The following STX16 variants were observed in gnomAD, a reference collection of about 807,000 sequenced individuals.
The protein encoded by STX16 is syntaxin 16.
In STX16, 28 loss-of-function variants were observed where a neutral mutation model predicts 42.7. That is an observed-to-expected ratio of 0.66 (90% confidence interval 0.49 to 0.90). The LOEUF (loss-of-function observed/expected upper bound fraction) is 0.90. STX16 is among the 40% of genes least tolerant of loss of function. The pLI is 0.00. For synonymous variants in STX16, 156 were observed against 155.2 expected (o/e 1.00, Z -0.04); for missense variants, 361 against 420.9 (o/e 0.86, Z 1.24).
At position 58,676,246 on chromosome 20, in the gene STX16, C is replaced by T. The variant is rs1601062194; in HGVS notation, c.933C>T (p.Ile311=). 6.2e-7 allele frequency: 1 copy of T among 1,614,178 alleles called. No individual in the cohort carries two copies. The highest frequency in any genetic ancestry group is 8.5e-7 in the Non-Finnish European group (1 of 1,180,028). The part of the protein sequence containing the change: ...KMLVILILFV[I]IIVLIVVLVG... ...TTGTGATTTTAATATTATTTGTCATCATCATTGTGCTCATTGTTGTCCTCG... is the reference window on the plus strand; with the variant it reads ...TTGTGATTTTAATATTATTTGTCATTATCATTGTGCTCATTGTTGTCCTCG... Residue 311 remains isoleucine, a synonymous_variant, in exon 9 of 9, where the codon ATC becomes ATT. Transcript: ENST00000371141.
At chr20:58,658,926 C>G (rs1449319256) in intron 1 of STX16, among the ~76,000 whole-genome samples, 4 of 152,118 alleles carry the variant, frequency 2.6e-5, no homozygotes, top group Admixed American at 6.5e-5. Context: ...TGTATGCTTT[C>G]TAGCTAATAA....
chr20:58,669,235 T>G, intron 4 of STX16, 56 bp from the exon 5 acceptor site: 2 of 1,584,708 alleles, frequency 1.3e-6, no homozygotes, highest in Non-Finnish European at 1.7e-6. Context: ...TGTGGCAGTG[T>G]TAGCAGAGGG....
Position 58,676,360 on chromosome 20 carries a change from C to G in STX16, c.*69C>G. On this transcript the variant is annotated 3_prime_UTR_variant, in exon 9 of 9. Coordinates refer to ENST00000371141, the MANE Select transcript of STX16 (RefSeq NM_001001433.3). ...GGTGTGAGGGGCTTGGCCTGCGCCCCGCCAGCTGCCCGCAGAGGTGCAGCC... is the reference window on the plus strand; with the variant it reads ...GGTGTGAGGGGCTTGGCCTGCGCCCGGCCAGCTGCCCGCAGAGGTGCAGCC... 1 of 1,397,144 alleles carries G rather than the reference C, an allele frequency of 7.2e-7. No individual in the cohort carries two copies. The highest frequency in any genetic ancestry group is 1.0e-6 in the Non-Finnish European group (1 of 984,456). 86.5% of individuals were successfully genotyped at this position (1,397,144 alleles called of 1,614,324 possible). A position where few individuals can be genotyped will look rare whatever the true frequency, so the allele number is the denominator to read the frequency against.
intron 1 of STX16, 23 bp downstream of exon 1, chr20:58,652,161 C>G (rs368474045): frequency 4.5e-5 from 73 of 1,612,422 alleles, no homozygotes; most frequent in Non-Finnish European, 5.4e-5. Flanking sequence ...GCGGCCTCTC[C>G]GACACACGGA....
In STX16 at chr20:58,676,452, G is replaced by C. The variant is rs1016239515; in HGVS notation, c.*161G>C. The C allele has an allele frequency of 4.5e-5, 28 of 626,766 alleles. No homozygotes were observed. The East Asian group carries it at 7.8e-4, about 17-fold the overall frequency. The allele number at this position is 626,766 out of a possible 1,614,324, so 38.8% of individuals were successfully genotyped here. A position where few individuals can be genotyped will look rare whatever the true frequency, so the allele number is the denominator to read the frequency against. ...CACGGACTCCTCCTTCCCTAGTCCT[G>C]CTCAAGCGGTCCGGGGAATGGGTTT... On this transcript the variant is annotated 3_prime_UTR_variant, in exon 9 of 9. Coordinates refer to ENST00000371141, the MANE Select transcript of STX16 (RefSeq NM_001001433.3).
Position 58,667,503 on chromosome 20 carries a change from G to T in STX16, c.158G>T (p.Arg53Leu). 2 of 1,613,992 alleles carry T rather than the reference G, an allele frequency of 1.2e-6. No homozygotes were observed. The highest frequency in any genetic ancestry group is 2.2e-5 in the South Asian group (2 of 91,072). Residue 53 changes from arginine to leucine, a missense_variant, in exon 3 of 9, where the codon CGT (arginine) becomes CTT (leucine). Arg to Leu is a moderately radical substitution (Grantham distance 102). Coordinates refer to ENST00000371141, the MANE Select transcript of STX16 (RefSeq NM_001001433.3). Reference sequence around the variant, plus strand: ...ACTTTCCTGTAGCTTGCTGATGACCGTATGGCACTGGTGTCAGGCATCAGC... The same window carrying T: ...ACTTTCCTGTAGCTTGCTGATGACCTTATGGCACTGGTGTCAGGCATCAGC... ...AAELDELADD[R>L]MALVSGISLD...
rs549075129 is a variant in STX16, at chr20:58,652,378, C to G, written c.132+240C>G. 2.9e-4 allele frequency: 171 copies of G among 587,738 alleles called. 3 individuals are homozygous for G. Among genetic ancestry groups the G allele is most frequent in the African/African-American group, 2.3e-4 (12 of 53,052 alleles). 36.4% of individuals were successfully genotyped at this position (587,738 alleles called of 1,614,324 possible). Reference sequence around the variant, plus strand: ...TCTCCTCACTTCCGCAGCACCCCCCCCCCCGCACCCCCCGCCTTGGCGTCA... The same window carrying G: ...TCTCCTCACTTCCGCAGCACCCCCCGCCCCGCACCCCCCGCCTTGGCGTCA... On this transcript the variant is annotated intron_variant, in intron 1 of 8. Coordinates refer to ENST00000371141, the MANE Select transcript of STX16 (RefSeq NM_001001433.3).
At chr20:58,658,996 C>A (rs899971581) in intron 1 of STX16, among the ~76,000 whole-genome samples, 2 of 152,122 alleles carry the variant, frequency 1.3e-5, no homozygotes, top group Admixed American at 6.5e-5. Flanking sequence ...TGTCTCTCTC[C>A]GGGAAAGAGT....
Position 58,676,371 on chromosome 20 carries a change from C to A in STX16, c.*80C>A. The A allele has an allele frequency of 1.6e-6, 2 of 1,284,334 alleles. No homozygotes were observed. Among genetic ancestry groups the A allele is most frequent in the Non-Finnish European group, 2.3e-6 (2 of 883,174 alleles). 79.6% of individuals were successfully genotyped at this position (1,284,334 alleles called of 1,614,324 possible). On this transcript the variant is annotated 3_prime_UTR_variant, in exon 9 of 9. Coordinates refer to ENST00000371141, the MANE Select transcript of STX16 (RefSeq NM_001001433.3). ...CTTGGCCTGCGCCCCGCCAGCTGCC[C>A]GCAGAGGTGCAGCCTCGAGGAATCT...
chr20:58,664,049 G>A (rs2083761764), intron 2 of STX16, among the ~76,000 whole-genome samples: 1 of 152,240 alleles, frequency 6.6e-6, no homozygotes, highest in East Asian at 1.9e-4. Context: ...GAGAGAATTA[G>A]AAACCTGGCC....
intron 2 of STX16, among the ~76,000 whole-genome samples, chr20:58,660,387 T>G (rs961149176): frequency 3.3e-5 from 5 of 152,172 alleles, no homozygotes; most frequent in African/African-American, 1.2e-4. Flanking sequence ...TGAGGGTTGT[T>G]CTTGTTTGTT....
intron 2 of STX16, among the ~76,000 whole-genome samples, chr20:58,662,708 A>G (rs2122948778): frequency 2.0e-5 from 3 of 152,100 alleles, no homozygotes; most frequent in African/African-American, 7.2e-5. Flanking sequence ...TGTATTTTTT[A>G]GTAGAGACGG....
At chr20:58,654,869 C>G (rs1333943731) in intron 1 of STX16, among the ~76,000 whole-genome samples, 1 of 152,154 alleles carries the variant, frequency 6.6e-6, no homozygotes, top group Non-Finnish European at 1.5e-5. Flanking sequence ...GCAAATAAGG[C>G]AAATTGTTAC....
intron 6 of STX16, among the ~76,000 whole-genome samples, 159 bp from the exon 7 acceptor site, chr20:58,670,995 A>C (rs1369500032): frequency 6.6e-6 from 1 of 152,204 alleles, no homozygotes; most frequent in Non-Finnish European, 1.5e-5. Flanking sequence ...CTTTCCTGTT[A>C]GGGAAAAATG....
At chr20:58,652,213 GTC>G in intron 1 of STX16, 75 bp downstream of exon 1, 2 of 1,587,210 alleles carry the variant, frequency 1.3e-6, no homozygotes, top group South Asian at 1.1e-5. Flanking sequence ...GTCTCTGTCT[GTC>G]TCTCTGTTTA....
rs1007783256 is a variant in STX16 at position 58,662,736 on chromosome 20, C to T, written c.144+3102C>T. Among the ~76,000 whole-genome samples the T allele has an allele frequency of 1.3e-5, 2 of 152,194 alleles. 1 individual carries two copies. ...AGAGACGGAGTTTTGACATGTTGCT[C>T]AGGCTGGTCTCGAACTCCTGAGCTC... On this transcript the variant is annotated intron_variant, in intron 2 of 8. Coordinates refer to ENST00000371141, the MANE Select transcript of STX16 (RefSeq NM_001001433.3).
intron 1 of STX16, among the ~76,000 whole-genome samples, chr20:58,659,292 GA>G (rs1436607390): frequency 6.6e-6 from 1 of 152,314 alleles, no homozygotes; most frequent in East Asian, 1.9e-4. Context: ...TTATGAAACA[GA>G]TTAACAGCAT....
intron 2 of STX16, among the ~76,000 whole-genome samples, chr20:58,663,121 G>A (rs2083739452): frequency 6.6e-6 from 1 of 152,196 alleles, no homozygotes; most frequent in Non-Finnish European, 1.5e-5. Flanking sequence ...CATTGCCATA[G>A]ACAGTCCAGA....
At chr20:58,652,431 A>G (rs186999415) in intron 1 of STX16, 1 of 461,592 alleles carries the variant, frequency 2.2e-6, no homozygotes, top group East Asian at 5.5e-5. Context: ...TGTAATTTAC[A>G]TATGTTTTAA....
Sources: allele counts gnomAD v4.1 joint callset (sites outside exome capture counted in the v4.1 genomes callset), GRCh38; gene constraint gnomAD v4.1.1; transcripts MANE v1.5; gene names NCBI Gene and HGNC (gene_info 2026-07-23, HGNC 2026-07-21).